Variants in PID1 observed in about 807,000 individuals in gnomAD.
PID1 encodes phosphotyrosine interaction domain containing 1.
PID1 carries 10 observed loss-of-function variants against 19.1 expected under a neutral mutation model. The ratio of observed to expected loss-of-function variants is 0.52; its 90% confidence interval spans 0.32 to 0.89. The LOEUF is 0.89. Ranked by LOEUF, PID1 falls within the 40% of genes least tolerant of loss-of-function variation. PID1 has a pLI of 0.03. For missense variants in PID1, 248 were observed against 285.3 expected (o/e 0.87, Z 0.94); for synonymous variants, 130 against 116.0 (o/e 1.12, Z -0.78).
intron 2 of PID1, among the ~76,000 whole-genome samples, chr2:229,076,644 T>C (rs1694564654): frequency 1.3e-5 from 2 of 152,176 alleles, no homozygotes; most frequent in South Asian, 4.2e-4. Context: ...ACATACAGTG[T>C]TTGGTTTCCT....
chr2:229,246,519 T>A lies in PID1; in HGVS notation c.30+24495A>T, dbSNP rs771790733. On this transcript the variant is annotated intron_variant, in intron 1 of 2. Transcript: ENST00000392055. ...AGCTGGAAGTCAGTCACTCTATTCATGTTGAGCTGTGGGCACACACACCCA... is the reference window on the plus strand; with the variant it reads ...AGCTGGAAGTCAGTCACTCTATTCAAGTTGAGCTGTGGGCACACACACCCA... 5.3e-5 allele frequency among the ~76,000 whole-genome samples: 8 copies of A among 152,276 alleles called. No homozygotes were observed. In the South Asian group the frequency reaches 1.7e-3, roughly 32 times the overall value.
At chr2:229,037,125 C>A (rs1574573887) in intron 2 of PID1, among the ~76,000 whole-genome samples, 1 of 152,164 alleles carries the variant, frequency 6.6e-6, no homozygotes, top group African/African-American at 2.4e-5. Flanking sequence ...ATTTCAGTAA[C>A]TTTCCTAAGG....
At chr2:229,191,258 G>A (rs1018714342) in intron 1 of PID1, among the ~76,000 whole-genome samples, 3 of 152,152 alleles carry the variant, frequency 2.0e-5, no homozygotes, top group Non-Finnish European at 4.4e-5. Context: ...AATCGCCACC[G>A]ATGGAGAACA....
chr2:229,254,588 A>C (rs1690244387), intron 1 of PID1, among the ~76,000 whole-genome samples: 2 of 152,144 alleles, frequency 1.3e-5, no homozygotes, highest in Admixed American at 1.3e-4. Context: ...TCAGACCTAA[A>C]AGTTTTAGGC....
intron 1 of PID1, among the ~76,000 whole-genome samples, chr2:229,201,224 C>G (rs373218605): frequency 5.9e-5 from 9 of 152,054 alleles, no homozygotes; most frequent in African/African-American, 2.2e-4. Context: ...CAACCATCTC[C>G]AGAACTGTTC....
chr2:229,143,918 A>G (rs973699775), intron 2 of PID1, among the ~76,000 whole-genome samples: 2 of 152,078 alleles, frequency 1.3e-5, no homozygotes, highest in African/African-American at 4.8e-5. Context: ...CAAATTACCC[A>G]GTTTCAGGTA....
chr2:229,029,911 C>A (rs1483417377), intron 2 of PID1, among the ~76,000 whole-genome samples: 1 of 151,040 alleles, frequency 6.6e-6, no homozygotes, highest in East Asian at 1.9e-4. Context: ...GTATATACCC[C>A]AAATAATTGA....
chr2:229,094,646 T>C (rs13002506), intron 2 of PID1, among the ~76,000 whole-genome samples: 32,398 of 151,862 alleles, frequency 0.21, 4,301 homozygotes, highest in East Asian at 0.48. Context: ...ATACAACCAA[T>C]TGATCTTTGA....
chr2:229,132,470 A>G (rs1689764598), intron 2 of PID1, among the ~76,000 whole-genome samples: 1 of 152,248 alleles, frequency 6.6e-6, no homozygotes, highest in African/African-American at 2.4e-5. Flanking sequence ...ACTGGCCAGA[A>G]GTCCTTCTGC....
chr2:229,090,236 A>G (rs1462987609), intron 2 of PID1, among the ~76,000 whole-genome samples: 1 of 152,232 alleles, frequency 6.6e-6, no homozygotes, highest in Admixed American at 6.5e-5. Context: ...TAATCAACAT[A>G]GAAATTAAAG....
intron 1 of PID1, among the ~76,000 whole-genome samples, chr2:229,162,738 G>T (rs1367119096): frequency 6.6e-6 from 1 of 152,080 alleles, no homozygotes; most frequent in Non-Finnish European, 1.5e-5. Context: ...GGATTCGAAA[G>T]GATTAATGGA....
intron 2 of PID1, among the ~76,000 whole-genome samples, chr2:229,036,680 G>A (rs371045276): frequency 4.6e-5 from 7 of 152,190 alleles, no homozygotes; most frequent in African/African-American, 7.2e-5. Context: ...CCTGGGAGGC[G>A]GAGGTGGCCA....
intron 2 of PID1, among the ~76,000 whole-genome samples, chr2:229,061,304 A>G (rs1483588809): frequency 6.6e-6 from 1 of 151,982 alleles, no homozygotes; most frequent in African/African-American, 2.4e-5. Flanking sequence ...TAAGGGTCCA[A>G]TTTCATTCTT....
intron 1 of PID1, among the ~76,000 whole-genome samples, chr2:229,235,640 A>G (rs2106271218): frequency 6.6e-6 from 1 of 152,312 alleles, no homozygotes; most frequent in Middle Eastern, 3.4e-3. Context: ...CCACTGTTGC[A>G]ATCACTGACA....
intron 1 of PID1, among the ~76,000 whole-genome samples, chr2:229,212,150 G>A (rs556674165): frequency 2.6e-5 from 4 of 152,148 alleles, no homozygotes; most frequent in Admixed American, 6.5e-5. Context: ...TGGAGGGAGG[G>A]GATAGGACAA....
chr2:229,241,284 T>C (rs1035635259), intron 1 of PID1, among the ~76,000 whole-genome samples: 12 of 152,192 alleles, frequency 7.9e-5, no homozygotes, highest in African/African-American at 2.7e-4. Context: ...TGACACATTT[T>C]AGGACTCTGT....
At chr2:229,105,606 T>G (rs1441208816) in intron 2 of PID1, among the ~76,000 whole-genome samples, 9 of 152,210 alleles carry the variant, frequency 5.9e-5, no homozygotes. Context: ...TGAACTCTCA[T>G]GTGTACAGTA....
At chr2:229,132,384 C>A (rs1476905816) in intron 2 of PID1, among the ~76,000 whole-genome samples, 1 of 152,174 alleles carries the variant, frequency 6.6e-6, no homozygotes, top group Non-Finnish European at 1.5e-5. Flanking sequence ...GCCTTTCGAA[C>A]CACATGATTC....
intron 1 of PID1, among the ~76,000 whole-genome samples, chr2:229,171,141 C>T (rs1460495911): frequency 1.3e-5 from 2 of 152,256 alleles, no homozygotes; most frequent in South Asian, 2.1e-4. Flanking sequence ...TAAACACACA[C>T]ATATTTATGT....
Sources: allele counts gnomAD v4.1 joint callset (sites outside exome capture counted in the v4.1 genomes callset), GRCh38; gene constraint gnomAD v4.1.1; transcripts MANE v1.5; gene names NCBI Gene and HGNC (gene_info 2026-07-23, HGNC 2026-07-21).